The following RLN2 variants were observed in gnomAD, a reference collection of about 807,000 sequenced individuals.
The protein encoded by RLN2 is prorelaxin H2.
RLN2 carries 10 observed loss-of-function variants against 7.3 expected under a neutral mutation model. That is an observed-to-expected ratio of 1.36 (90% confidence interval 0.84 to 2.31). The LOEUF (loss-of-function observed/expected upper bound fraction) is 2.31, where lower values mean the gene tolerates loss of function less well. Among genes scored for constraint, RLN2 ranks in the 30% most tolerant of loss-of-function variants. The pLI is 0.00. For missense variants in RLN2, 298 were observed against 217.6 expected, an observed-to-expected ratio of 1.37 and a Z score of -2.32; for synonymous variants, 103 against 82.3, an observed-to-expected ratio of 1.25 and a Z score of -1.36.
At chr9:5,332,248 T>A in the RLN2 span, among the ~76,000 whole-genome samples, 20 of 152,218 alleles carry the variant, frequency 1.3e-4, no homozygotes, top group African/African-American at 4.8e-4. Flanking sequence ...TATGTACATA[T>A]GTTTGTATGT....
chr9:5,324,086 C>A, the RLN2 span, among the ~76,000 whole-genome samples: 2 of 151,860 alleles, frequency 1.3e-5, no homozygotes, highest in African/African-American at 2.4e-5. Context: ...TAATTCCAAT[C>A]AGCTCTTAAG....
the RLN2 span, among the ~76,000 whole-genome samples, chr9:5,314,802 C>A: frequency 6.6e-6 from 1 of 152,134 alleles, no homozygotes; most frequent in Middle Eastern, 3.4e-3. Flanking sequence ...ATCTGGGATA[C>A]TTCTATGTCC....
chr9:5,300,380 A>T lies in RLN2; in HGVS notation c.276T>A (p.Ala92=). The change falls in exon 2 of 2, where the codon GCT becomes GCA. Residue 92 remains alanine (A), a synonymous_variant. Transcript: ENST00000381627. ...ETINMMSEFV[A]NLPQELKLTL... is the part of the protein sequence containing the mutation. Reference sequence around the variant, plus strand: ...TTAACTTCAGCTCCTGTGGCAAATTAGCAACAAATTCTGACATCATATTTA... The same window carrying T: ...TTAACTTCAGCTCCTGTGGCAAATTTGCAACAAATTCTGACATCATATTTA... 1 of 1,613,702 alleles carries T rather than the reference A, an allele frequency of 6.2e-7. No individual in the cohort carries two copies. The highest frequency in any genetic ancestry group is 8.5e-7 in the Non-Finnish European group (1 of 1,179,878).
chr9:5,335,483 A>G, the RLN2 span: 1 of 1,613,458 alleles, frequency 6.2e-7, no homozygotes, highest in Non-Finnish European at 8.5e-7. Context: ...TAGCTCTGGT[A>G]ATGATGGTTG....
upstream of RLN2, chr9:5,304,831 T>C (rs747817536): frequency 1.5e-5 from 8 of 542,894 alleles, no homozygotes; most frequent in Non-Finnish European, 2.3e-5. Flanking sequence ...TGCCTTTCCT[T>C]CATTTGCCCA....
chr9:5,334,756 A>T, the RLN2 span, among the ~76,000 whole-genome samples: 1 of 152,068 alleles, frequency 6.6e-6, no homozygotes, highest in Non-Finnish European at 1.5e-5. Flanking sequence ...AAAATACTTG[A>T]GTTTACTTCA....
chr9:5,329,309 C>CAA, the RLN2 span, among the ~76,000 whole-genome samples: 22,448 of 52,882 alleles, frequency 0.42, 4,267 homozygotes, highest in Non-Finnish European at 0.46. Flanking sequence ...GACTCCATCT[C>CAA]AAAAAAAAAA....
chr9:5,327,991 C>A, the RLN2 span, among the ~76,000 whole-genome samples: 1 of 151,870 alleles, frequency 6.6e-6, no homozygotes, highest in African/African-American at 2.4e-5. Flanking sequence ...TTCCAAAAAA[C>A]AGAGCACCAC....
the RLN2 span, among the ~76,000 whole-genome samples, chr9:5,331,767 G>A: frequency 6.6e-6 from 1 of 152,098 alleles, no homozygotes; most frequent in East Asian, 1.9e-4. Flanking sequence ...ATATACCTGT[G>A]TAACAAACCT....
the RLN2 span, among the ~76,000 whole-genome samples, chr9:5,317,490 A>G: frequency 6.6e-6 from 1 of 150,468 alleles, no homozygotes; most frequent in Non-Finnish European, 1.5e-5. Flanking sequence ...GAGAACGAAG[A>G]GCTCTGAGGG....
chr9:5,315,451 C>G, the RLN2 span, among the ~76,000 whole-genome samples: 3 of 151,648 alleles, frequency 2.0e-5, no homozygotes, highest in Non-Finnish European at 4.4e-5. Flanking sequence ...ATGGGACATA[C>G]GGGACATCAT....
chr9:5,300,472 G>C lies in RLN2; in HGVS notation c.212-28C>G, dbSNP rs77289820. On this transcript the variant is annotated intron_variant, in intron 1 of 1. Coordinates refer to ENST00000381627, the MANE Select transcript of RLN2 (RefSeq NM_134441.3). ...GTTAAATTTAAAAAAAAAGGTGTATGTGAGGGTATATTCATGTCAAAGAGC... is the reference window on the plus strand; with the variant it reads ...GTTAAATTTAAAAAAAAAGGTGTATCTGAGGGTATATTCATGTCAAAGAGC... 54 of 1,487,486 alleles carry C rather than the reference G, an allele frequency of 3.6e-5. 1 individual carries two copies. In the South Asian group the frequency reaches 6.3e-4, roughly 17 times the overall value. The allele number at this position is 1,487,486 out of a possible 1,614,324, so 92.1% of individuals were successfully genotyped here.
the RLN2 span, among the ~76,000 whole-genome samples, chr9:5,337,530 C>T: frequency 3.3e-5 from 5 of 151,882 alleles, no homozygotes; most frequent in East Asian, 9.6e-4. Flanking sequence ...AAAAGGGATG[C>T]AGTGAATATT....
chr9:5,326,460 A>G, the RLN2 span, among the ~76,000 whole-genome samples: 1 of 152,070 alleles, frequency 6.6e-6, no homozygotes, highest in African/African-American at 2.4e-5. Flanking sequence ...CCCCACCCTA[A>G]AGACTCCTGC....
the RLN2 span, among the ~76,000 whole-genome samples, chr9:5,320,975 T>A: frequency 6.6e-6 from 1 of 152,074 alleles, no homozygotes; most frequent in Admixed American, 6.6e-5. Flanking sequence ...GCACTTCATT[T>A]TCAGTGAGTT....
chr9:5,311,828 CTTT>C, the RLN2 span: 2 of 514,052 alleles, frequency 3.9e-6, no homozygotes, highest in East Asian at 3.4e-5. Context: ...TATTTTTTTT[CTTT>C]TTTTTTTATT....
chr9:5,323,916 T>C, the RLN2 span, among the ~76,000 whole-genome samples: 2 of 151,738 alleles, frequency 1.3e-5, no homozygotes, highest in African/African-American at 2.4e-5. Flanking sequence ...GGTGTGTTGA[T>C]ATGTGCCTGT....
Position 5,304,432 on chromosome 9 carries a change from C to T in RLN2, c.149G>A (p.Ser50Asn). ...VRAQIAICGM[S>N]TWSKRSLSQE... The stretch of plus-strand genomic sequence containing the variant: ...GCTCAGAGACCTTTTGCTCCAGGTG[C>T]TCATGCCGCAAATGGCAATCTGCGC... The change falls in exon 1 of 2, where the codon AGC (serine) becomes AAC (asparagine). Residue 50 changes from serine (S) to asparagine (N), a missense_variant. Coordinates refer to ENST00000381627, the MANE Select transcript of RLN2 (RefSeq NM_134441.3). 1 of 1,612,526 alleles carries T rather than the reference C, an allele frequency of 6.2e-7. No homozygotes were observed. The highest frequency in any genetic ancestry group is 1.7e-5 in the Admixed American group (1 of 59,880).
At chr9:5,335,862 T>C in the RLN2 span, among the ~76,000 whole-genome samples, 3 of 151,980 alleles carry the variant, frequency 2.0e-5, no homozygotes, top group African/African-American at 4.8e-5. Context: ...GCTTTTATCA[T>C]AGTACTTTTG....
Sources: gnomAD v4.1 joint callset for allele counts (sites outside exome capture counted in the v4.1 genomes callset) on GRCh38, gnomAD v4.1.1 for gene constraint, MANE v1.5 for transcripts, NCBI Gene and HGNC (gene_info 2026-07-23, HGNC 2026-07-21) for gene names.